ITIH5: variants seen among roughly 807,000 people sequenced by gnomAD.
ITIH5 encodes inter-alpha-trypsin inhibitor heavy chain 5.
A neutral mutation model predicts 77.5 loss-of-function variants in ITIH5; 65 were observed. The ratio of observed to expected loss-of-function variants is 0.84; its 90% CI spans 0.69 to 1.03. The LOEUF is 1.03. Ranked by LOEUF, ITIH5 falls within the 50% of genes least tolerant of loss-of-function variation. The pLI is 0.00. For synonymous variants in ITIH5, 525 were observed against 494.3 expected, an observed-to-expected ratio of 1.06 and a Z score of -0.82; for missense variants, 1,208 against 1,213.1, an observed-to-expected ratio of 1.00 and a Z score of 0.06.
In ITIH5 at chr10:7,606,150, G is replaced by A. The variant is rs189507497; in HGVS notation, c.939+9832C>T. Among the ~76,000 whole-genome samples, 170 of 152,298 alleles carry A rather than the reference G, an allele frequency of 1.1e-3. 1 individual carries two copies. Among genetic ancestry groups the A allele is most frequent in the African/African-American group, 3.8e-3 (158 of 41,552 alleles). On this transcript the variant is annotated intron_variant, in intron 7 of 13. Coordinates refer to ENST00000397146, the MANE Select transcript of ITIH5 (RefSeq NM_030569.7). ...GAAAAGGGAATGCTTATACACTGCCGGTAGGAATGTAAACTACTTCAGTCA... is the reference window on the plus strand; with the variant it reads ...GAAAAGGGAATGCTTATACACTGCCAGTAGGAATGTAAACTACTTCAGTCA...
At chr10:7,611,782 T>C (rs997966483) in intron 7 of ITIH5, among the ~76,000 whole-genome samples, 1 of 152,150 alleles carries the variant, frequency 6.6e-6, no homozygotes, top group African/African-American at 2.4e-5. Context: ...CAACAAAAAT[T>C]TAAAATTTTT....
chr10:7,567,351 T>TATTATTATA (rs1486158194), intron 12 of ITIH5, among the ~76,000 whole-genome samples: 1 of 147,308 alleles, frequency 6.8e-6, no homozygotes, highest in Admixed American at 6.8e-5. Context: ...TTATTATTAT[T>TATTATTATA]ATTATACTTT....
At chr10:7,661,963 A>G (rs1834283399) in intron 1 of ITIH5, among the ~76,000 whole-genome samples, 1 of 152,158 alleles carries the variant, frequency 6.6e-6, no homozygotes, top group African/African-American at 2.4e-5. Context: ...CAGCCTCCCA[A>G]ACTGCTGGGA....
intron 2 of ITIH5, among the ~76,000 whole-genome samples, chr10:7,643,824 A>G (rs1278593976): frequency 1.3e-5 from 2 of 152,270 alleles, no homozygotes; most frequent in African/African-American, 2.4e-5. Flanking sequence ...AAGTTACTAC[A>G]GAGGGTTATT....
chr10:7,583,251 G>A (rs1832604238), intron 8 of ITIH5, among the ~76,000 whole-genome samples: 1 of 152,202 alleles, frequency 6.6e-6, no homozygotes, highest in Non-Finnish European at 1.5e-5. Context: ...ATGACCAAAT[G>A]TTCATAATTC....
rs780604984 is a variant in ITIH5 at position 7,559,835 on chromosome 10, TC to T, written c.*3247del. 75 of 453,314 alleles carry T rather than the reference TC, an allele frequency of 1.7e-4. No individual in the cohort carries two copies. The highest frequency in any genetic ancestry group is 1.2e-3 in the South Asian group (74 of 64,130). The allele number at this position is 453,314 out of a possible 1,614,324, so 28.1% of individuals were successfully genotyped here. ...TGGTGGAGAGGAAAAACACCATCTC[TC>T]CCATGTCTTTTTTTTGTTTTGTTTT... is the stretch of plus-strand genomic sequence containing the variant. On this transcript the variant is annotated 3_prime_UTR_variant, in exon 14 of 14. Transcript: ENST00000397146.
chr10:7,640,666 G>A, intron 4 of ITIH5, 88 bp downstream of exon 4: 1 of 764,586 alleles, frequency 1.3e-6, no homozygotes, highest in Admixed American at 2.3e-5. Flanking sequence ...TGGAGGAAAG[G>A]AAGACGACAA....
At chr10:7,630,731 T>TATA (rs2131063401) in intron 5 of ITIH5, among the ~76,000 whole-genome samples, 2 of 152,332 alleles carry the variant, frequency 1.3e-5, no homozygotes, top group South Asian at 4.1e-4. Context: ...TCCTATCAAA[T>TATA]ATATGATTTG....
intron 10 of ITIH5, 110 bp from the exon 11 acceptor site, chr10:7,573,305 G>A: frequency 1.2e-6 from 1 of 833,340 alleles, no homozygotes; most frequent in South Asian, 1.5e-5. Context: ...AGGTACGTTT[G>A]TAACAGCTTA....
chr10:7,577,989 G>T (rs1415272740), intron 9 of ITIH5, among the ~76,000 whole-genome samples: 2 of 152,152 alleles, frequency 1.3e-5, no homozygotes, highest in Non-Finnish European at 2.9e-5. Flanking sequence ...ATGGAATATG[G>T]GTAGCAGTGA....
In ITIH5 at chr10:7,628,803, GTTTTTGCA is replaced by G. The variant is rs1833639050; in HGVS notation, c.652+8417_652+8424del. Among the ~76,000 whole-genome samples the G allele has an allele frequency of 2.9e-5, 4 of 138,076 alleles. 1 individual carries two copies. Among genetic ancestry groups the G allele is most frequent in the Non-Finnish European group, 5.0e-5 (3 of 60,456 alleles). The allele number at this position is 138,076 out of a possible 152,430, so 90.6% of individuals were successfully genotyped here. A position where few individuals can be genotyped will look rare whatever the true frequency, so the allele number is the denominator to read the frequency against. ...TGTCCATGTTATCATATGTATCTGT[GTTTTTGCA>G]TGTGTCCATGTTGTAGCGTGTGTCC... On this transcript the variant is annotated intron_variant, in intron 5 of 13. Transcript: ENST00000397146.
At chr10:7,591,394 G>T (rs78627020) in intron 7 of ITIH5, among the ~76,000 whole-genome samples, 43,122 of 151,896 alleles carry the variant, frequency 0.28, 6,461 homozygotes, top group East Asian at 0.49. Context: ...CCGCCTTCCT[G>T]ACACGTTGAG....
chr10:7,609,496 T>C (rs1203683618), intron 7 of ITIH5: 2 of 456,548 alleles, frequency 4.4e-6, no homozygotes, highest in Admixed American at 2.4e-5. Context: ...ACCAATGTCC[T>C]AGAGCATAAA....
intron 1 of ITIH5, among the ~76,000 whole-genome samples, chr10:7,666,060 G>A (rs1834356485): frequency 6.6e-6 from 1 of 152,226 alleles, no homozygotes; most frequent in African/African-American, 2.4e-5. Flanking sequence ...TAAATGGCAT[G>A]TGTGTGAAAG....
At position 7,563,053 on chromosome 10, in the gene ITIH5, C is replaced by T; in HGVS notation, c.*30G>A. 1 of 1,602,954 alleles carries T rather than the reference C, an allele frequency of 6.2e-7. No individual in the cohort carries two copies. Among genetic ancestry groups the T allele is most frequent in the Non-Finnish European group, 8.5e-7 (1 of 1,169,728 alleles). On this transcript the variant is annotated 3_prime_UTR_variant, in exon 14 of 14. Transcript: ENST00000397146. ...ACGGCCTCCCCACATCACTGTCCTT[C>T]ATGCACTTGCATCTTTAAGGCTGCC...
At chr10:7,615,015 A>C (rs1447698505) in intron 7 of ITIH5, among the ~76,000 whole-genome samples, 5 of 152,342 alleles carry the variant, frequency 3.3e-5, no homozygotes, top group African/African-American at 1.2e-4. Flanking sequence ...TGGGAGGCCG[A>C]GACAGGTGGA....
intron 9 of ITIH5, among the ~76,000 whole-genome samples, chr10:7,579,222 A>C (rs1340576139): frequency 6.6e-6 from 1 of 152,188 alleles, no homozygotes; most frequent in African/African-American, 2.4e-5. Context: ...GGAGGTACAG[A>C]CTGTCTTAAA....
intron 7 of ITIH5, among the ~76,000 whole-genome samples, chr10:7,609,958 T>G (rs977397807): frequency 6.6e-6 from 1 of 152,042 alleles, no homozygotes; most frequent in African/African-American, 2.4e-5. Context: ...TCCCAAGGAC[T>G]ACATGTCTGT....
chr10:7,570,665 C>T (rs553560421), intron 11 of ITIH5, among the ~76,000 whole-genome samples: 1 of 152,282 alleles, frequency 6.6e-6, no homozygotes, highest in Admixed American at 6.5e-5. Flanking sequence ...CTCTGTTGAC[C>T]AGGCTGGAGT....
Sources: gnomAD v4.1 joint callset for allele counts (sites outside exome capture counted in the v4.1 genomes callset) on GRCh38, gnomAD v4.1.1 for gene constraint, MANE v1.5 for transcripts, NCBI Gene and HGNC (gene_info 2026-07-23, HGNC 2026-07-21) for gene names.